Variants in PIK3C2G observed in about 807,000 individuals in gnomAD.
PIK3C2G encodes phosphatidylinositol-4-phosphate 3-kinase catalytic subunit type 2 gamma.
PIK3C2G carries 168 observed loss-of-function variants against 181.1 expected under a neutral mutation model. That is an observed-to-expected ratio of 0.93 (90% CI 0.82 to 1.05). PIK3C2G has a LOEUF of 1.05. PIK3C2G is among the 50% of genes least tolerant of loss of function. The pLI is 0.00. For missense variants in PIK3C2G, 1,869 were observed against 1,732.8 expected (o/e 1.08, Z -1.40); for synonymous variants, 573 against 592.2 (o/e 0.97, Z 0.47).
intron 10 of PIK3C2G, among the ~76,000 whole-genome samples, chr12:18,344,783 G>C (rs1197363717): frequency 6.6e-6 from 1 of 151,964 alleles, no homozygotes; most frequent in East Asian, 1.9e-4. Flanking sequence ...AGTAAAATTA[G>C]GTGCGATAAA....
chr12:18,293,487 A>G (rs888975574), intron 4 of PIK3C2G, among the ~76,000 whole-genome samples: 1 of 152,130 alleles, frequency 6.6e-6, no homozygotes, highest in Non-Finnish European at 1.5e-5. Context: ...CCTTAGAAGG[A>G]GCAATATGTC....
At chr12:18,632,424 A>G (rs1949388523) in intron 31 of PIK3C2G, among the ~76,000 whole-genome samples, 1 of 152,196 alleles carries the variant, frequency 6.6e-6, no homozygotes, top group South Asian at 2.1e-4. Flanking sequence ...TACCTGCTGT[A>G]TTAGGGTTCA....
intron 18 of PIK3C2G, among the ~76,000 whole-genome samples, chr12:18,463,200 T>A (rs1050054252): frequency 6.6e-5 from 10 of 152,204 alleles, no homozygotes; most frequent in Admixed American, 1.3e-4. Context: ...TCATGGTATA[T>A]CCTACGTACC....
chr12:18,507,161 C>T (rs10841030), intron 24 of PIK3C2G, among the ~76,000 whole-genome samples: 25,505 of 151,956 alleles, frequency 0.17, 2,483 homozygotes, highest in South Asian at 0.37. Context: ...TCCGGAGTAG[C>T]TGGGACTACA....
At chr12:18,705,357 T>C in the PIK3C2G span, 3 of 1,606,870 alleles carry the variant, frequency 1.9e-6, no homozygotes, top group Non-Finnish European at 2.6e-6. Context: ...TCAAAACTTC[T>C]AAATAATTGT....
chr12:18,473,613 A>C (rs192891113), intron 18 of PIK3C2G, among the ~76,000 whole-genome samples: 33 of 152,204 alleles, frequency 2.2e-4, no homozygotes, highest in Non-Finnish European at 4.1e-4. Flanking sequence ...GAAACTAAGA[A>C]AAATGCTCAG....
At chr12:18,257,836 A>G (rs1220974231), upstream of PIK3C2G, among the ~76,000 whole-genome samples, 1 of 125,656 alleles carries the variant, frequency 8.0e-6, no homozygotes, top group Non-Finnish European at 1.7e-5. Flanking sequence ...AGAAAGAGAA[A>G]GGAAAAGAAA....
chr12:18,300,543 T>C (rs1471748849), intron 5 of PIK3C2G, among the ~76,000 whole-genome samples: 2 of 152,108 alleles, frequency 1.3e-5, no homozygotes, highest in Non-Finnish European at 2.9e-5. Context: ...CAGCATATAA[T>C]TGGGTCATTT....
At chr12:18,482,563 ACAAACCCTTGTTTTGT>A (rs1939665738) in intron 18 of PIK3C2G, among the ~76,000 whole-genome samples, 1 of 152,158 alleles carries the variant, frequency 6.6e-6, no homozygotes, top group South Asian at 2.1e-4. Flanking sequence ...CATCCACCCT[ACAAACCCTTGTTTTGT>A]CAAACTGCAG....
intron 1 of PIK3C2G, among the ~76,000 whole-genome samples, chr12:18,279,458 C>T (rs1237381610): frequency 1.3e-5 from 2 of 151,778 alleles, no homozygotes; most frequent in Non-Finnish European, 1.5e-5. Flanking sequence ...ATTTAAAGAC[C>T]TTCCTGTGGC....
At chr12:18,602,894 C>T (rs1947812671) in intron 30 of PIK3C2G, among the ~76,000 whole-genome samples, 1 of 152,182 alleles carries the variant, frequency 6.6e-6, no homozygotes, top group Non-Finnish European at 1.5e-5. Context: ...CCTTGACTTT[C>T]CCTGTGACAG....
At chr12:18,377,908 G>C (rs1165901920) in intron 13 of PIK3C2G, among the ~76,000 whole-genome samples, 1 of 152,118 alleles carries the variant, frequency 6.6e-6, no homozygotes, top group African/African-American at 2.4e-5. Flanking sequence ...CCAGGCTGGA[G>C]TGCAATGGTG....
chr12:18,705,064 G>T, the PIK3C2G span: 2 of 1,410,398 alleles, frequency 1.4e-6, no homozygotes, highest in Non-Finnish European at 2.0e-6. Flanking sequence ...TCAAAACTAA[G>T]CATTTTCATT....
chr12:18,251,130 A>AT (rs745805873), intron 1 of PIK3C2G, among the ~76,000 whole-genome samples: 6 of 152,100 alleles, frequency 3.9e-5, no homozygotes, highest in Non-Finnish European at 7.4e-5. Flanking sequence ...TATGTAATAA[A>AT]TTTCGACTAC....
chr12:18,667,913 A>G, the PIK3C2G span, among the ~76,000 whole-genome samples: 1 of 152,166 alleles, frequency 6.6e-6, no homozygotes, highest in Non-Finnish European at 1.5e-5. Flanking sequence ...TAAACAGAAC[A>G]AGGTGGAGAG....
At chr12:18,282,906 G>A in intron 2 of PIK3C2G, 147 bp downstream of exon 2, 1 of 466,498 alleles carries the variant, frequency 2.1e-6, no homozygotes, top group East Asian at 3.3e-5. Context: ...CAAATGATGT[G>A]TTCTTGTATT....
intron 18 of PIK3C2G, chr12:18,425,239 G>T (rs146376406): frequency 0.045 from 6,888 of 153,292 alleles, 226 homozygotes; most frequent in Non-Finnish European, 0.068. Context: ...TCAGCATATA[G>T]CAGGAAAACC....
intron 26 of PIK3C2G, among the ~76,000 whole-genome samples, chr12:18,548,473 C>A (rs1292026836): frequency 6.6e-6 from 1 of 151,994 alleles, no homozygotes; most frequent in Non-Finnish European, 1.5e-5. Context: ...TTCCATCTCT[C>A]CCTATCCCTC....
At chr12:18,371,101 C>G in intron 12 of PIK3C2G, 79 bp from the exon 13 acceptor site, 1 of 1,185,068 alleles carries the variant, frequency 8.4e-7, no homozygotes, top group Non-Finnish European at 1.2e-6. Context: ...TTGTCCCAGA[C>G]CAGTACATTA....
Sources: allele counts gnomAD v4.1 joint callset (sites outside exome capture counted in the v4.1 genomes callset), GRCh38; gene constraint gnomAD v4.1.1; transcripts MANE v1.5; gene names NCBI Gene and HGNC (gene_info 2026-07-23, HGNC 2026-07-21).